The following RIN3 variants were observed in gnomAD, a reference collection of about 807,000 sequenced individuals.
The protein encoded by RIN3 is Ras and Rab interactor 3.
Under a neutral mutation model 76.3 loss-of-function variants are expected in RIN3, and 54 were observed. That is an observed-to-expected ratio of 0.71 (90% CI 0.57 to 0.89). The LOEUF is 0.89. RIN3 is among the 40% of genes least tolerant of loss of function. The probability of loss-of-function intolerance (pLI) is 0.00; values close to 1 mark genes in which losing one functional copy is unlikely to be tolerated. For synonymous variants in RIN3, 576 were observed against 564.0 expected (o/e 1.02, Z -0.30); for missense variants, 1,256 against 1,322.1 (o/e 0.95, Z 0.78).
intron 2 of RIN3, among the ~76,000 whole-genome samples, chr14:92,572,487 G>A (rs1898088681): frequency 6.6e-6 from 1 of 152,198 alleles, no homozygotes; most frequent in African/African-American, 2.4e-5. Context: ...TGGGGTGACA[G>A]CTGCAACCAA....
In RIN3 at chr14:92,688,110, T is replaced by G. The variant is rs1292800762; in HGVS notation, c.2816T>G (p.Leu939Arg). 6.2e-7 allele frequency: 1 copy of G among 1,608,730 alleles called. No homozygotes were observed. Among genetic ancestry groups the G allele is most frequent in the Non-Finnish European group, 8.5e-7 (1 of 1,178,294 alleles). ...GRCFQLADDA[L>R]PHCIKGYLLR... is the part of the protein sequence containing the mutation. ...TGCTTCCAGCTGGCGGACGACGCGC[T>G]GCCGCACTGCATCAAGGGCTACCTG... is the stretch of plus-strand genomic sequence containing the variant. The change falls in exon 10 of 10, where the codon CTG becomes CGG. Residue 939 changes from leucine (L) to arginine (R), a missense_variant. Leu to Arg is a moderately radical substitution (Grantham distance 102). Around this residue, in one of 3 missense-constraint regions of RIN3, gnomAD observed 218 missense variants for 174.5 expected, o/e 1.25. Coordinates refer to ENST00000216487, the MANE Select transcript of RIN3 (RefSeq NM_024832.5).
intron 1 of RIN3, among the ~76,000 whole-genome samples, chr14:92,520,833 C>T (rs938222441): frequency 6.6e-6 from 1 of 152,208 alleles, no homozygotes; most frequent in Non-Finnish European, 1.5e-5. Flanking sequence ...CCCCTAACCT[C>T]CATGTTCCCA....
intron 4 of RIN3, among the ~76,000 whole-genome samples, chr14:92,631,648 T>C (rs1331155269): frequency 6.6e-6 from 1 of 152,098 alleles, no homozygotes; most frequent in African/African-American, 2.4e-5. Context: ...GTCACCAGGC[T>C]GGAGTGCAGT....
At position 92,513,900 on chromosome 14, in the gene RIN3, G is replaced by A. The variant is rs1896360749; in HGVS notation, c.-33G>A. On this transcript the variant is annotated 5_prime_UTR_variant, in exon 1 of 10. Transcript: ENST00000216487. ...GTTCCGCGCGGCCCGGCGCCTGAGC[G>A]CCTCCGTTCCCCGTCCCGGAGCTGC... The A allele has an allele frequency of 1.6e-6, 2 of 1,252,540 alleles. No individual in the cohort carries two copies. Among genetic ancestry groups the A allele is most frequent in the South Asian group, 3.0e-5 (1 of 33,302 alleles). 77.6% of individuals were successfully genotyped at this position (1,252,540 alleles called of 1,614,324 possible). A position where few individuals can be genotyped will look rare whatever the true frequency, so the allele number is the denominator to read the frequency against.
chr14:92,651,498 G>GGCCCCCCCCCCCA, intron 5 of RIN3, 84 bp from the exon 6 acceptor site: 1 of 707,776 alleles, frequency 1.4e-6, no homozygotes, highest in Non-Finnish European at 2.3e-6. Flanking sequence ...CCCACCCGTG[G>GGCCCCCCCCCCCA]ACCCCGCCCA....
chr14:92,664,814 C>T (rs1888028702), intron 7 of RIN3, among the ~76,000 whole-genome samples: 1 of 152,222 alleles, frequency 6.6e-6, no homozygotes, highest in Non-Finnish European at 1.5e-5. Flanking sequence ...ATAACTCTTA[C>T]ATAGCCACGG....
intron 2 of RIN3, among the ~76,000 whole-genome samples, chr14:92,561,176 G>A (rs1370653050): frequency 3.1e-5 from 3 of 97,766 alleles, no homozygotes; most frequent in African/African-American, 1.2e-4. Flanking sequence ...TATATATACC[G>A]ACACCATGGG....
chr14:92,646,952 G>C (rs1887223359), intron 5 of RIN3, among the ~76,000 whole-genome samples: 1 of 152,216 alleles, frequency 6.6e-6, no homozygotes, highest in African/African-American at 2.4e-5. Flanking sequence ...AGAGCCCAGA[G>C]CCAAGGAATG....
At chr14:92,642,580 G>A (rs566127419) in intron 5 of RIN3, among the ~76,000 whole-genome samples, 3 of 152,254 alleles carry the variant, frequency 2.0e-5, no homozygotes, top group African/African-American at 7.2e-5. Flanking sequence ...TGAGCACAGT[G>A]CCCAGAACAT....
chr14:92,544,236 A>G lies in RIN3; in HGVS notation c.45-11515A>G, dbSNP rs533950301. Among the ~76,000 whole-genome samples, 141 of 152,112 alleles carry G rather than the reference A, an allele frequency of 9.3e-4. 1 individual carries two copies. The South Asian group carries it at 0.015, about 16-fold the overall frequency. ...GAAGCCTGTACCTGTTCACCACACT[A>G]TGGAATGAGGAGTGGGGAGTTCTCC... is the stretch of plus-strand genomic sequence containing the variant. On this transcript the variant is annotated intron_variant, in intron 1 of 9. Coordinates refer to ENST00000216487, the MANE Select transcript of RIN3 (RefSeq NM_024832.5).
At chr14:92,570,417 CTT>C (rs954596673) in intron 2 of RIN3, among the ~76,000 whole-genome samples, 10 of 152,182 alleles carry the variant, frequency 6.6e-5, no homozygotes, top group African/African-American at 2.2e-4. Context: ...AATCCCAGCA[CTT>C]TGGGAGGCCA....
Position 92,651,799 on chromosome 14 carries a change from C to T in RIN3, c.750C>T (p.Asp250=), listed in dbSNP as rs143802398. The part of the protein sequence containing the change: ...IEDCSSALPT[D]QPPLGNCPAR... ...ACTGCAGCAGCGCCCTGCCCACCGA[C>T]CAGCCACCTCTTGGAAATTGCCCTG... Residue 250 remains aspartate (D), a synonymous_variant, in exon 6 of 10, where the codon GAC becomes GAT. Coordinates refer to ENST00000216487, the MANE Select transcript of RIN3 (RefSeq NM_024832.5). 3.8e-5 allele frequency: 61 copies of T among 1,613,564 alleles called. No individual in the cohort carries two copies. The highest frequency in any genetic ancestry group is 5.1e-5 in the Non-Finnish European group (60 of 1,179,688).
chr14:92,545,201 C>T (rs1443645459), intron 1 of RIN3, among the ~76,000 whole-genome samples: 4 of 150,614 alleles, frequency 2.7e-5, no homozygotes, highest in Admixed American at 2.7e-4. Flanking sequence ...GCTCCGCCTC[C>T]CGGGTTCATG....
chr14:92,591,512 G>A (rs533860792), intron 3 of RIN3, among the ~76,000 whole-genome samples: 1 of 151,986 alleles, frequency 6.6e-6, no homozygotes, highest in Non-Finnish European at 1.5e-5. Context: ...CAAGATCAAT[G>A]CCAAAACAAC....
intron 1 of RIN3, among the ~76,000 whole-genome samples, chr14:92,518,371 C>G (rs1896501709): frequency 6.6e-6 from 1 of 152,148 alleles, no homozygotes; most frequent in African/African-American, 2.4e-5. Context: ...CTTTTGTGTC[C>G]CTGGAGCCCC....
At chr14:92,664,478 C>G (rs1888009308) in intron 7 of RIN3, among the ~76,000 whole-genome samples, 1 of 151,178 alleles carries the variant, frequency 6.6e-6, no homozygotes, top group East Asian at 1.9e-4. Context: ...CGCCATTCTC[C>G]TGCCCCAGCC....
intron 4 of RIN3, among the ~76,000 whole-genome samples, chr14:92,620,564 A>G (rs1886136732): frequency 6.6e-6 from 1 of 152,202 alleles, no homozygotes; most frequent in African/African-American, 2.4e-5. Context: ...AAACAAAATA[A>G]CTATTCACAG....
intron 4 of RIN3, among the ~76,000 whole-genome samples, chr14:92,628,452 T>C (rs1353553584): frequency 6.6e-6 from 1 of 152,208 alleles, no homozygotes; most frequent in Non-Finnish European, 1.5e-5. Context: ...TCCTGTGGGC[T>C]CCAATCTTAG....
intron 3 of RIN3, among the ~76,000 whole-genome samples, chr14:92,602,288 G>C (rs75998557): frequency 0.049 from 7,535 of 152,302 alleles, 361 homozygotes; most frequent in East Asian, 0.19. Context: ...GCCCAAGAAG[G>C]CCTCACCAAG....
Sources: gnomAD v4.1 joint callset for allele counts (sites outside exome capture counted in the v4.1 genomes callset) on GRCh38, gnomAD v4.1.1 for gene constraint, gnomAD v4.1.1 regional missense constraint, MANE v1.5 for transcripts, NCBI Gene and HGNC (gene_info 2026-07-23, HGNC 2026-07-21) for gene names.